Variants in ARHGEF12 observed in about 807,000 individuals in gnomAD.
ARHGEF12 encodes KMT2A/ARHGEF12 fusion protein.
Under a neutral mutation model 211.2 loss-of-function variants are expected in ARHGEF12, and 66 were observed. That is an observed-to-expected ratio of 0.31 (90% CI 0.26 to 0.38). The LOEUF (loss-of-function observed/expected upper bound fraction) is 0.38. ARHGEF12 is among the 10% of genes least tolerant of loss of function. The pLI, the probability that ARHGEF12 is intolerant of heterozygous loss-of-function variation, is 1.00. For synonymous variants in ARHGEF12, 592 were observed against 638.4 expected, an observed-to-expected ratio of 0.93 and a Z score of 1.09; for missense variants, 1,429 against 1,869.5, an observed-to-expected ratio of 0.76 and a Z score of 4.34.
intron 1 of ARHGEF12, among the ~76,000 whole-genome samples, chr11:120,372,332 A>G (rs1175180483): frequency 6.6e-6 from 1 of 151,932 alleles, no homozygotes; most frequent in Non-Finnish European, 1.5e-5. Context: ...TTTTTAATTC[A>G]GGAACCAAAA....
intron 1 of ARHGEF12, among the ~76,000 whole-genome samples, chr11:120,344,593 A>C (rs138882584): frequency 2.6e-5 from 4 of 152,216 alleles, no homozygotes; most frequent in Admixed American, 2.6e-4. Context: ...TGGCATATGC[A>C]CTGTCAGCCT....
At chr11:120,409,588 A>C in intron 4 of ARHGEF12, 138 bp downstream of exon 4, 1 of 818,604 alleles carries the variant, frequency 1.2e-6, no homozygotes, top group Non-Finnish European at 1.9e-6. Context: ...GGCATGATCT[A>C]CTGCAGGGAA....
At chr11:120,469,178 G>A in intron 29 of ARHGEF12, 110 bp from the exon 30 acceptor site, 1 of 812,400 alleles carries the variant, frequency 1.2e-6, no homozygotes, top group South Asian at 2.2e-5. Context: ...AAATCTTCAA[G>A]GTCTTAATAT....
chr11:120,372,167 AAGTAAT>A (rs1789615351), intron 1 of ARHGEF12, among the ~76,000 whole-genome samples: 1 of 152,226 alleles, frequency 6.6e-6, no homozygotes, highest in Non-Finnish European at 1.5e-5. Context: ...ACATTAGATA[AAGTAAT>A]AGTAACTATA....
chr11:120,478,326 G>T lies in ARHGEF12; in HGVS notation c.3703G>T (p.Ala1235Ser). Reference protein sequence around the residue: ...LKEVGEDYQIAIPDSHLPVSE... With the variant: ...LKEVGEDYQISIPDSHLPVSE... ...GGAAGTTGGAGAAGATTATCAAATC[G>T]CAATCCCAGATTCACACCTGCCTGT... The change falls in exon 37 of 41, where the codon GCA becomes TCA. Residue 1235 changes from alanine to serine, a missense_variant. Ala to Ser is a moderately conservative substitution (Grantham distance 99). Coordinates refer to ENST00000397843, the MANE Select transcript of ARHGEF12 (RefSeq NM_015313.3). The T allele has an allele frequency of 1.2e-6, 2 of 1,614,112 alleles. No individual in the cohort carries two copies. The highest frequency in any genetic ancestry group is 1.1e-5 in the South Asian group (1 of 91,078).
chr11:120,368,215 A>G (rs1845363600), intron 1 of ARHGEF12, among the ~76,000 whole-genome samples: 1 of 152,258 alleles, frequency 6.6e-6, no homozygotes, highest in Non-Finnish European at 1.5e-5. Context: ...CTGTCTAGCT[A>G]TCTCCATGAT....
At chr11:120,427,208 G>A (rs1010303332) in intron 7 of ARHGEF12, among the ~76,000 whole-genome samples, 7 of 151,784 alleles carry the variant, frequency 4.6e-5, no homozygotes, top group Middle Eastern at 3.4e-3. Context: ...CTAGATTCCC[G>A]CCCCCCGCAA....
At position 120,451,730 on chromosome 11, in the gene ARHGEF12, C is replaced by A; in HGVS notation, c.2056+6C>A. The A allele has an allele frequency of 6.2e-7, 1 of 1,610,962 alleles. No individual in the cohort carries two copies. The highest frequency in any genetic ancestry group is 1.1e-5 in the South Asian group (1 of 90,636). ...AGGGAAAGAGAATGATACAGGTGAGCTATTACTGTAGTTCAGCTTAACTAA... is the reference window on the plus strand; with the variant it reads ...AGGGAAAGAGAATGATACAGGTGAGATATTACTGTAGTTCAGCTTAACTAA... On this transcript the variant is annotated splice_donor_region_variant and intron_variant, in intron 22 of 40. Coordinates refer to ENST00000397843, the MANE Select transcript of ARHGEF12 (RefSeq NM_015313.3).
intron 11 of ARHGEF12, among the ~76,000 whole-genome samples, chr11:120,435,916 C>G (rs1945681293): frequency 6.6e-6 from 1 of 152,112 alleles, no homozygotes; most frequent in Non-Finnish European, 1.5e-5. Context: ...ATAATTTTGT[C>G]AGTATTTCTG....
At chr11:120,338,289 GCAA>G (rs1450190708) in intron 1 of ARHGEF12, among the ~76,000 whole-genome samples, 4 of 152,288 alleles carry the variant, frequency 2.6e-5, no homozygotes, top group African/African-American at 4.8e-5. Context: ...GATGAAAAGT[GCAA>G]CAATAGTGCT....
intron 31 of ARHGEF12, among the ~76,000 whole-genome samples, 166 bp from the exon 32 acceptor site, chr11:120,474,394 T>C (rs1226139243): frequency 6.6e-6 from 1 of 152,268 alleles, no homozygotes; most frequent in Non-Finnish European, 1.5e-5. Context: ...TACTTTAATA[T>C]GGCTTTTGTG....
At chr11:120,477,640 G>A (rs754935175) in intron 36 of ARHGEF12, 114 bp downstream of exon 36, 126 of 933,534 alleles carry the variant, frequency 1.3e-4, no homozygotes, top group Non-Finnish European at 1.8e-4. Flanking sequence ...CGAGATAGGC[G>A]TATCACCTGA....
At chr11:120,402,270 A>G (rs1009045254) in intron 1 of ARHGEF12, among the ~76,000 whole-genome samples, 4 of 152,180 alleles carry the variant, frequency 2.6e-5, no homozygotes, top group East Asian at 1.9e-4. Context: ...TTTCAATAGT[A>G]TAGTTTCTGC....
intron 2 of ARHGEF12, among the ~76,000 whole-genome samples, chr11:120,406,926 CATGTCTAT>C (rs1287391984): frequency 6.6e-6 from 1 of 152,170 alleles, no homozygotes; most frequent in Non-Finnish European, 1.5e-5. Flanking sequence ...TGCCTATATC[CATGTCTAT>C]ATATTTATTC....
intron 1 of ARHGEF12, among the ~76,000 whole-genome samples, chr11:120,390,328 A>G (rs1189392190): frequency 1.3e-5 from 2 of 151,956 alleles, no homozygotes; most frequent in African/African-American, 2.4e-5. Context: ...CCTGCCTTCT[A>G]TTTTTGCTTT....
In ARHGEF12 at chr11:120,488,241, A is replaced by G. The variant is rs1467771049; in HGVS notation, c.*3164A>G. 3.7e-5 allele frequency: 8 copies of G among 215,698 alleles called. No individual in the cohort carries two copies. Among genetic ancestry groups the G allele is most frequent in the African/African-American group, 1.8e-4 (8 of 44,324 alleles). The allele number at this position is 215,698 out of a possible 1,614,324, so 13.4% of individuals were successfully genotyped here. On this transcript the variant is annotated 3_prime_UTR_variant, in exon 41 of 41. Coordinates refer to ENST00000397843, the MANE Select transcript of ARHGEF12 (RefSeq NM_015313.3). ...TTGGTGTAATACGTGGGGCTTCCAT[A>G]TTTCAAAGTGGAAGCTTTCTTCTCT...
chr11:120,420,811 C>T lies in ARHGEF12; in HGVS notation c.258C>T (p.Val86=), dbSNP rs1423562584. Residue 86 remains valine (V), a synonymous_variant, in exon 5 of 41, where the codon GTC becomes GTT. Transcript: ENST00000397843. ...QKDDNGFGLT[V]SGDNPVFVQS... ...ATGACAATGGATTTGGGCTGACGGT[C>T]AGTGGAGACAATCCAGTCTTCGTAC... is the stretch of plus-strand genomic sequence containing the variant. 2 of 1,614,052 alleles carry T rather than the reference C, an allele frequency of 1.2e-6. No homozygotes were observed. Among genetic ancestry groups the T allele is most frequent in the South Asian group, 2.2e-5 (2 of 91,028 alleles).
At chr11:120,454,331 A>G (rs947840023) in intron 22 of ARHGEF12, among the ~76,000 whole-genome samples, 34 of 152,248 alleles carry the variant, frequency 2.2e-4, no homozygotes, top group African/African-American at 8.0e-4. Flanking sequence ...TTTCCCTACA[A>G]GAGAAAGATA....
chr11:120,445,423 A>C lies in ARHGEF12; in HGVS notation c.1304A>C (p.His435Pro), dbSNP rs1287780135. Residue 435 changes from histidine (H) to proline (P), a missense_variant and splice_region_variant, in exon 16 of 41, where the codon CAC (histidine) becomes CCC (proline). Physicochemically the swap from His to Pro is moderately conservative, Grantham distance 77. Transcript: ENST00000397843. ...FHQFFLDRSA[H>P]LKVSVPDEMS... Reference sequence around the variant, plus strand: ...CCTTTTGTTTGCATTTCATTTTAGCACCTGAAAGTTTCTGTTCCTGATGAA... The same window carrying C: ...CCTTTTGTTTGCATTTCATTTTAGCCCCTGAAAGTTTCTGTTCCTGATGAA... The C allele has an allele frequency of 6.2e-7, 1 of 1,614,010 alleles. No homozygotes were observed. The highest frequency in any genetic ancestry group is 8.5e-7 in the Non-Finnish European group (1 of 1,179,974).
Sources: allele counts gnomAD v4.1 joint callset (sites outside exome capture counted in the v4.1 genomes callset), GRCh38; gene constraint gnomAD v4.1.1; transcripts MANE v1.5; gene names NCBI Gene and HGNC (gene_info 2026-07-23, HGNC 2026-07-21).